The following CNTN4 variants were observed in gnomAD, a reference collection of about 807,000 sequenced individuals.
CNTN4 encodes contactin-4.
CNTN4 carries 77 observed loss-of-function variants against 122.5 expected under a neutral mutation model. The observed-to-expected ratio is 0.63, with a 90% CI of 0.52 to 0.76. CNTN4 has a LOEUF of 0.76. Among genes scored for constraint, CNTN4 ranks in the 30% least tolerant of loss-of-function variants. The pLI is 0.00. For missense variants in CNTN4, 1,256 were observed against 1,259.1 expected, an observed-to-expected ratio of 1.00 and a Z score of 0.04; for synonymous variants, 512 against 447.0, an observed-to-expected ratio of 1.15 and a Z score of -1.83.
chr3:2,363,341 G>A (rs1179729755), intron 3 of CNTN4, among the ~76,000 whole-genome samples: 1 of 152,164 alleles, frequency 6.6e-6, no homozygotes, highest in Non-Finnish European at 1.5e-5. Context: ...CAGGTGTTTT[G>A]TTTTTCATAA....
intron 7 of CNTN4, among the ~76,000 whole-genome samples, chr3:2,844,940 A>G (rs974398411): frequency 6.6e-6 from 1 of 152,132 alleles, no homozygotes; most frequent in African/African-American, 2.4e-5. Context: ...GTGAATTTGG[A>G]GCACTCTGTT....
chr3:2,743,870 G>T (rs1284460221), intron 5 of CNTN4, among the ~76,000 whole-genome samples: 1 of 152,150 alleles, frequency 6.6e-6, no homozygotes, highest in East Asian at 1.9e-4. Flanking sequence ...AGTTGCAGTG[G>T]TGTGACCTTG....
chr3:2,694,728 CAAAA>C (rs993757127), intron 4 of CNTN4, among the ~76,000 whole-genome samples: 3 of 151,500 alleles, frequency 2.0e-5, no homozygotes, highest in South Asian at 4.2e-4. Flanking sequence ...GACCCTGTCT[CAAAA>C]AAAGAAAGAA....
chr3:2,900,374 A>G (rs2094160073), intron 10 of CNTN4, among the ~76,000 whole-genome samples: 1 of 152,186 alleles, frequency 6.6e-6, no homozygotes, highest in Admixed American at 6.5e-5. Context: ...ATGGGAAGAT[A>G]TTCTCTACTG....
rs114084394 is a variant in CNTN4, at chr3:2,456,746, G to A, written c.-88-114670G>A. On this transcript the variant is annotated intron_variant, in intron 3 of 24. Transcript: ENST00000418658. ...TAATATTCCACTGTGTATATATACC[G>A]CATTTTGTTTATCCATTCGTCTATC... 5.6e-3 allele frequency among the ~76,000 whole-genome samples: 852 copies of A among 152,014 alleles called. 8 individuals carry two copies. Among genetic ancestry groups the A allele is most frequent in the African/African-American group, 0.02 (812 of 41,470 alleles).
intron 10 of CNTN4, among the ~76,000 whole-genome samples, chr3:2,891,032 T>A (rs1296091350): frequency 1.3e-5 from 2 of 152,324 alleles, no homozygotes; most frequent in East Asian, 3.9e-4. Flanking sequence ...TGGGAGACAT[T>A]ATCAGGCACT....
chr3:2,471,543 C>T (rs1273529194), intron 3 of CNTN4, among the ~76,000 whole-genome samples: 1 of 152,100 alleles, frequency 6.6e-6, no homozygotes, highest in Non-Finnish European at 1.5e-5. Flanking sequence ...TATTATTTCC[C>T]TTCCGAAATA....
At chr3:2,823,205 C>T (rs928530437) in intron 7 of CNTN4, among the ~76,000 whole-genome samples, 2 of 152,146 alleles carry the variant, frequency 1.3e-5, no homozygotes, top group Non-Finnish European at 2.9e-5. Context: ...ATTTTAGACC[C>T]AGCATATGGT....
At chr3:2,397,420 G>T (rs1316688919) in intron 3 of CNTN4, among the ~76,000 whole-genome samples, 1 of 151,612 alleles carries the variant, frequency 6.6e-6, no homozygotes, top group Non-Finnish European at 1.5e-5. Context: ...AAAATGTTCT[G>T]AAGAAAAAAA....
intron 13 of CNTN4, among the ~76,000 whole-genome samples, chr3:2,962,473 A>G (rs564145374): frequency 6.6e-6 from 1 of 152,348 alleles, no homozygotes; most frequent in Non-Finnish European, 1.5e-5. Context: ...TTTTATTGGA[A>G]GGATATGAGG....
chr3:2,854,923 TAAG>T (rs1559584231), intron 7 of CNTN4, among the ~76,000 whole-genome samples: 1 of 152,212 alleles, frequency 6.6e-6, no homozygotes, highest in Non-Finnish European at 1.5e-5. Flanking sequence ...TAGCTTAAAG[TAAG>T]AAGACAGATT....
intron 3 of CNTN4, among the ~76,000 whole-genome samples, chr3:2,521,343 T>TCCCCCCCCCCCCCC (rs5846190): frequency 4.7e-5 from 6 of 128,308 alleles, no homozygotes; most frequent in East Asian, 2.3e-4. Flanking sequence ...CCTCTACCCA[T>TCCCCCCCCCCCCCC]CCCCCCCACC....
At chr3:2,102,161 G>A (rs1439694541) in intron 2 of CNTN4, among the ~76,000 whole-genome samples, 2 of 152,188 alleles carry the variant, frequency 1.3e-5, no homozygotes, top group Non-Finnish European at 2.9e-5. Flanking sequence ...CCAATGGTCA[G>A]GAAGTGAAGA....
chr3:2,369,159 G>A (rs776562459), intron 3 of CNTN4, among the ~76,000 whole-genome samples: 24 of 152,000 alleles, frequency 1.6e-4, no homozygotes, highest in Non-Finnish European at 1.8e-4. Flanking sequence ...TCCTGACCTC[G>A]TGATCTGCTC....
chr3:2,195,301 ATTTTCT>A (rs1432912840), intron 2 of CNTN4, among the ~76,000 whole-genome samples: 2 of 152,060 alleles, frequency 1.3e-5, no homozygotes, highest in African/African-American at 4.8e-5. Flanking sequence ...CATATTCCAC[ATTTTCT>A]TTATCTGTTC....
chr3:2,749,966 A>T (rs1414595037), intron 6 of CNTN4, among the ~76,000 whole-genome samples: 1 of 152,208 alleles, frequency 6.6e-6, no homozygotes, highest in African/African-American at 2.4e-5. Flanking sequence ...AAGGAAAAAA[A>T]AATGTTGCTT....
At chr3:2,516,403 G>T (rs935954618) in intron 3 of CNTN4, among the ~76,000 whole-genome samples, 13 of 152,006 alleles carry the variant, frequency 8.6e-5, no homozygotes, top group African/African-American at 2.9e-4. Flanking sequence ...TTGATAATTT[G>T]TGGCTCTCAA....
chr3:2,630,173 G>A (rs1018536877), intron 4 of CNTN4, among the ~76,000 whole-genome samples: 4 of 152,350 alleles, frequency 2.6e-5, no homozygotes, highest in East Asian at 3.9e-4. Context: ...AGTGGCTCAT[G>A]CCTGTAATCT....
intron 2 of CNTN4, among the ~76,000 whole-genome samples, chr3:2,159,239 T>C (rs1034610697): frequency 6.6e-6 from 1 of 152,100 alleles, no homozygotes. Flanking sequence ...ATTGCTCTCT[T>C]AAGTATTTTT....
Sources: allele counts gnomAD v4.1 joint callset (sites outside exome capture counted in the v4.1 genomes callset), GRCh38; gene constraint gnomAD v4.1.1; transcripts MANE v1.5; gene names NCBI Gene and HGNC (gene_info 2026-07-23, HGNC 2026-07-21).